The following CARF variants were observed in gnomAD, a reference collection of about 807,000 sequenced individuals.
CARF encodes calcium responsive transcription factor.
Under a neutral mutation model 82.0 loss-of-function variants are expected in CARF, and 57 were observed. The observed-to-expected ratio is 0.70, with a 90% CI of 0.56 to 0.87. The LOEUF (loss-of-function observed/expected upper bound fraction) is 0.87. Among genes scored for constraint, CARF ranks in the 40% least tolerant of loss-of-function variants. The pLI is 0.00. For missense variants in CARF, 771 were observed against 855.8 expected (o/e 0.90, Z 1.24); for synonymous variants, 268 against 290.1 (o/e 0.92, Z 0.77).
At position 202,986,883 on chromosome 2, in the gene CARF, T is replaced by TATACATATATATATATATATATATAC. The variant is rs1465800164; in HGVS notation, c.*3262_*3263insCATATATATATATATATATATACATA. 3.4e-5 allele frequency: 4 copies of TATACATATATATATATATATATATAC among 118,026 alleles called. No individual in the cohort carries two copies. The highest frequency in any genetic ancestry group is 1.1e-4 in the African/African-American group (4 of 34,810). 7.3% of individuals were successfully genotyped at this position (118,026 alleles called of 1,614,324 possible). ...ATGTCTGTGCGTATATATATATATATATATATATATATATATATATATATA... is the reference window on the plus strand; with the variant it reads ...ATGTCTGTGCGTATATATATATATATATACATATATATATATATATATATACATATATATATATATATATATATATA... On this transcript the variant is annotated 3_prime_UTR_variant, in exon 17 of 17. Transcript: ENST00000438828.
At chr2:202,937,400 T>C (rs1442023310) in intron 3 of CARF, among the ~76,000 whole-genome samples, 1 of 152,130 alleles carries the variant, frequency 6.6e-6, no homozygotes, top group Non-Finnish European at 1.5e-5. Flanking sequence ...TTTGTTTGCT[T>C]GCCATTTTTT....
chr2:202,987,655 C>A lies in CARF; in HGVS notation c.*4031C>A, dbSNP rs180712176. 1.7e-3 allele frequency among the ~76,000 whole-genome samples: 257 copies of A among 152,192 alleles called. No individual in the cohort carries two copies. The highest frequency in any genetic ancestry group is 2.3e-3 in the Non-Finnish European group (154 of 68,006). On this transcript the variant is annotated 3_prime_UTR_variant, in exon 17 of 17. Coordinates refer to ENST00000438828, the MANE Select transcript of CARF (RefSeq NM_024744.17). ...CTTAAAACTTTGGGAATAGAAAAAA[C>A]ACATTTATTAATGGATGCTAAAGTG...
At chr2:202,982,479 C>T in intron 16 of CARF, 38 bp downstream of exon 16, 1 of 1,605,624 alleles carries the variant, frequency 6.2e-7, no homozygotes, top group South Asian at 1.1e-5. Context: ...TTGTTGTAAC[C>T]TTTGTGGATT....
Position 202,942,761 on chromosome 2 carries a change from A to G in CARF, c.100A>G (p.Arg34Gly), listed in dbSNP as rs2058291270. 6.2e-7 allele frequency: 1 copy of G among 1,613,684 alleles called. No homozygotes were observed. The highest frequency in any genetic ancestry group is 8.5e-7 in the Non-Finnish European group (1 of 1,179,832). Residue 34 changes from arginine (R) to glycine (G), a missense_variant, in exon 5 of 17, where the codon AGG becomes GGG. Arg to Gly is a moderately radical substitution (Grantham distance 125, BLOSUM62 -2). Coordinates refer to ENST00000438828, the MANE Select transcript of CARF (RefSeq NM_024744.17). ...AAAGCATCTAATCTGTATGGACTCC[A>G]GGGATTCTTCCTTTGGACAAAATGA... ...VFEHLICMDS[R>G]DSSFGQNDSP...
chr2:202,955,859 A>G, intron 8 of CARF, 101 bp downstream of exon 8: 2 of 696,198 alleles, frequency 2.9e-6, no homozygotes. Context: ...GTCTATAGTT[A>G]CAGTATTTTG....
chr2:202,927,484 T>C (rs1692073125), intron 3 of CARF, among the ~76,000 whole-genome samples: 1 of 152,176 alleles, frequency 6.6e-6, no homozygotes, highest in Non-Finnish European at 1.5e-5. Context: ...GGTGAGAATA[T>C]TTAAAATCTA....
At position 202,982,076 on chromosome 2, in the gene CARF, T is replaced by G. The variant is rs1201930036; in HGVS notation, c.1694T>G (p.Leu565Trp). The G allele has an allele frequency of 6.2e-7, 1 of 1,612,706 alleles. No individual in the cohort carries two copies. Among genetic ancestry groups the G allele is most frequent in the African/African-American group, 1.3e-5 (1 of 74,872 alleles). ...GTACTCTTTTTGGTTTAAAAGGGTT[T>G]GCAGTTACAACCAAGGTACACCTCT... ...QPKIFTQLQG[L>W]QLQPRYTSPD... The change falls in exon 16 of 17, where the codon TTG (leucine) becomes TGG (tryptophan). Residue 565 changes from leucine to tryptophan, a missense_variant. By Grantham distance (61) the Leu-to-Trp change is moderately conservative. Transcript: ENST00000438828.
At chr2:202,953,001 G>T (rs2058826185) in intron 6 of CARF, among the ~76,000 whole-genome samples, 1 of 151,928 alleles carries the variant, frequency 6.6e-6, no homozygotes, top group African/African-American at 2.4e-5. Context: ...AATGTTAATA[G>T]CTTCAGAAGT....
intron 15 of CARF, 47 bp from the exon 16 acceptor site, chr2:202,982,025 T>C: frequency 6.3e-7 from 1 of 1,576,084 alleles, no homozygotes; most frequent in Non-Finnish European, 8.6e-7. Flanking sequence ...GAGAATATCA[T>C]ACATAGGAAA....
intron 7 of CARF, 44 bp from the exon 8 acceptor site, chr2:202,955,630 G>A (rs1468820440): frequency 7.1e-7 from 1 of 1,401,568 alleles, no homozygotes; most frequent in South Asian, 1.3e-5. Context: ...CATTTTGTGT[G>A]TTCATTGAAC....
intron 2 of CARF, among the ~76,000 whole-genome samples, chr2:202,921,708 A>G (rs930095453): frequency 1.3e-5 from 2 of 152,224 alleles, no homozygotes; most frequent in Non-Finnish European, 2.9e-5. Context: ...CTGGAAGAAT[A>G]TGCAAAAATG....
chr2:202,961,202 T>C (rs1329402338), intron 8 of CARF, 35 bp from the exon 9 acceptor site: 5 of 1,538,786 alleles, frequency 3.2e-6, no homozygotes, highest in Non-Finnish European at 4.5e-6. Flanking sequence ...TGAAGTGTAT[T>C]GCTAGTAATT....
In CARF at chr2:202,985,314, A is replaced by T. The variant is rs960730089; in HGVS notation, c.*1690A>T. On this transcript the variant is annotated 3_prime_UTR_variant, in exon 17 of 17. Coordinates refer to ENST00000438828, the MANE Select transcript of CARF (RefSeq NM_024744.17). ...TCCCATTCTTAATTGACTTGGTTTC[A>T]GGTACATGACATGTATCTAAATATA... 1 of 152,078 alleles carries T rather than the reference A, an allele frequency of 6.6e-6. No individual in the cohort carries two copies. The highest frequency in any genetic ancestry group is 6.5e-5 in the Admixed American group (1 of 15,270). 9.4% of individuals were successfully genotyped at this position (152,078 alleles called of 1,614,324 possible). A position where few individuals can be genotyped will look rare whatever the true frequency, so the allele number is the denominator to read the frequency against.
chr2:202,947,732 C>A (rs185956760), intron 5 of CARF, among the ~76,000 whole-genome samples: 8 of 152,062 alleles, frequency 5.3e-5, no homozygotes, highest in African/African-American at 1.4e-4. Context: ...GTTTTAAGTT[C>A]GATATAGATG....
rs1208375184 is a variant in CARF, at chr2:202,986,887, T to TATACATATATATATATATATAC, written c.*3266_*3267insCATATATATATATATATACATA. 3 of 89,546 alleles carry TATACATATATATATATATATAC rather than the reference T, an allele frequency of 3.4e-5. 1 individual carries two copies. Among genetic ancestry groups the TATACATATATATATATATATAC allele is most frequent in the African/African-American group, 1.1e-4 (3 of 26,692 alleles). 5.5% of individuals were successfully genotyped at this position (89,546 alleles called of 1,614,324 possible). ...CTGTGCGTATATATATATATATATA[T>TATACATATATATATATATATAC]ATATATATATATATATATATAGCAA... On this transcript the variant is annotated 3_prime_UTR_variant, in exon 17 of 17. Coordinates refer to ENST00000438828, the MANE Select transcript of CARF (RefSeq NM_024744.17).
At chr2:202,982,587 G>T in intron 16 of CARF, 146 bp downstream of exon 16, 2 of 765,026 alleles carry the variant, frequency 2.6e-6, no homozygotes, top group South Asian at 4.5e-5. Flanking sequence ...AGAAGGAGGA[G>T]ATTTCATTAC....
Position 202,970,032 on chromosome 2 carries a change from A to G in CARF, c.1067A>G (p.Lys356Arg). ...GAGAAAGCTTTTAACATGCTAAAGA[A>G]GAACTTGGTAGATGCTGGTGGTGTT... ...EQEKAFNMLK[K>R]NLVDAGGVLR... The change falls in exon 11 of 17, where the codon AAG becomes AGG. Residue 356 changes from lysine to arginine, a missense_variant. Lys to Arg is a conservative substitution (Grantham distance 26). Coordinates refer to ENST00000438828, the MANE Select transcript of CARF (RefSeq NM_024744.17). The G allele has an allele frequency of 3.2e-6, 5 of 1,572,060 alleles. No homozygotes were observed. The highest frequency in any genetic ancestry group is 4.3e-6 in the Non-Finnish European group (5 of 1,168,088).
chr2:202,952,702 G>A, intron 6 of CARF, 23 bp downstream of exon 6: 1 of 1,579,672 alleles, frequency 6.3e-7, no homozygotes, highest in Non-Finnish European at 8.6e-7. Flanking sequence ...GGGATATAGG[G>A]GATTTGAGAG....
At chr2:202,942,330 CGCCACTGCACTCCT>C (rs2058268816) in intron 4 of CARF, among the ~76,000 whole-genome samples, 1 of 150,978 alleles carries the variant, frequency 6.6e-6, no homozygotes, top group South Asian at 2.1e-4. Flanking sequence ...GCTGAGATCA[CGCCACTGCACTCCT>C]GCCTGGGCAA....
Sources: allele counts gnomAD v4.1 joint callset (sites outside exome capture counted in the v4.1 genomes callset), GRCh38; gene constraint gnomAD v4.1.1; transcripts MANE v1.5; gene names NCBI Gene and HGNC (gene_info 2026-07-23, HGNC 2026-07-21).